Variants in PHLPP1 observed in about 807,000 individuals in gnomAD.
PHLPP1 encodes the protein PH domain and leucine rich repeat protein phosphatase 1, also known as PH domain leucine-rich repeat-containing protein phosphatase 1.
Under a neutral mutation model 117.2 loss-of-function variants are expected in PHLPP1, and 42 were observed. The ratio of observed to expected loss-of-function variants is 0.36; its 90% CI spans 0.28 to 0.46. The LOEUF (loss-of-function observed/expected upper bound fraction) is 0.46. PHLPP1 is among the 20% of genes least tolerant of loss of function. The pLI is 1.00. For synonymous variants in PHLPP1, 1,042 were observed against 970.7 expected (o/e 1.07, Z -1.37); for missense variants, 2,084 against 2,241.9 (o/e 0.93, Z 1.42).
intron 1 of PHLPP1, among the ~76,000 whole-genome samples, chr18:62,822,043 C>T (rs973671096): frequency 7.9e-5 from 12 of 152,248 alleles, no homozygotes; most frequent in Admixed American, 7.8e-4. Flanking sequence ...TTACACAGAG[C>T]CATGATTGTG....
At chr18:62,876,013 G>C (rs1916042114) in intron 4 of PHLPP1, among the ~76,000 whole-genome samples, 2 of 152,154 alleles carry the variant, frequency 1.3e-5, no homozygotes, top group Admixed American at 1.3e-4. Context: ...GATTACAGGT[G>C]TGAGCCACTG....
chr18:62,783,073 C>T (rs2144280669), intron 1 of PHLPP1, among the ~76,000 whole-genome samples: 1 of 146,980 alleles, frequency 6.8e-6, no homozygotes, highest in Admixed American at 6.8e-5. Context: ...CTGTTCTTGC[C>T]AGAAGATAGA....
intron 1 of PHLPP1, among the ~76,000 whole-genome samples, chr18:62,763,470 G>A (rs535223177): frequency 6.6e-6 from 1 of 152,176 alleles, no homozygotes; most frequent in Admixed American, 6.5e-5. Context: ...CTAGTCTCCC[G>A]TGCAGCAAGT....
In PHLPP1 at chr18:62,716,398, C is replaced by T; in HGVS notation, c.715C>T (p.His239Tyr). The change falls in exon 1 of 17, where the codon CAC (histidine) becomes TAC (tyrosine). Residue 239 changes from histidine (H) to tyrosine (Y), a missense_variant. Physicochemically the swap from His to Tyr is moderately conservative, Grantham distance 83. This residue lies in a region of PHLPP1 where 719 missense variants were observed against 636.0 expected (regional missense o/e 1.13). Coordinates refer to ENST00000262719, the MANE Select transcript of PHLPP1 (RefSeq NM_194449.4). This position sits in a 1 kb window ranked among gnomAD's most constrained non-coding sequence, Gnocchi z 5.7. ...EVAARLLQLG[H>Y]KGGGVVKVLG... ...GGCCGCCCGCCTGCTGCAGCTGGGC[C>T]ACAAAGGCGGCGGCGTGGTGAAGGT... 2 of 1,479,828 alleles carry T rather than the reference C, an allele frequency of 1.4e-6. No homozygotes were observed. The highest frequency in any genetic ancestry group is 1.8e-6 in the Non-Finnish European group (2 of 1,119,580). The allele number at this position is 1,479,828 out of a possible 1,614,324, so 91.7% of individuals were successfully genotyped here.
intron 10 of PHLPP1, among the ~76,000 whole-genome samples, chr18:62,929,361 A>G (rs1046191833): frequency 6.6e-6 from 1 of 152,324 alleles, no homozygotes. Context: ...ATTGTAATTT[A>G]TAAATATGTA....
Position 62,841,185 on chromosome 18 carries a change from G to A in PHLPP1, c.1899+2276G>A, listed in dbSNP as rs73458271. Among the ~76,000 whole-genome samples the A allele has an allele frequency of 4.9e-3, 742 of 152,168 alleles. 10 individuals carry two copies. Among genetic ancestry groups the A allele is most frequent in the African/African-American group, 0.017 (711 of 41,516 alleles). On this transcript the variant is annotated intron_variant, in intron 3 of 16. Transcript: ENST00000262719. ...CTATAGGCGTGAGCCACTGCGCCTG[G>A]CCTTTATTTGGATTTCACTAGTTTT... is the stretch of plus-strand genomic sequence containing the variant.
At chr18:62,741,291 A>C (rs1332685997) in intron 1 of PHLPP1, among the ~76,000 whole-genome samples, 1 of 152,202 alleles carries the variant, frequency 6.6e-6, no homozygotes. Context: ...AGTTGTTGGC[A>C]CAAAGGTTTG....
intron 1 of PHLPP1, among the ~76,000 whole-genome samples, chr18:62,778,058 C>A (rs1214865474): frequency 6.6e-6 from 1 of 152,154 alleles, no homozygotes; most frequent in Non-Finnish European, 1.5e-5. Context: ...GAGAGTGAAT[C>A]AGCCAGTTTT....
In PHLPP1 at chr18:62,716,331, G is replaced by C. The variant is rs751227466; in HGVS notation, c.648G>C (p.Leu216=). 1.3e-6 allele frequency: 2 copies of C among 1,530,140 alleles called. No individual in the cohort carries two copies. Among genetic ancestry groups the C allele is most frequent in the South Asian group, 2.4e-5 (2 of 83,206 alleles). The allele number at this position is 1,530,140 out of a possible 1,614,324, so 94.8% of individuals were successfully genotyped here. Residue 216 remains leucine, a synonymous_variant, in exon 1 of 17, where the codon CTG becomes CTC. Coordinates refer to ENST00000262719, the MANE Select transcript of PHLPP1 (RefSeq NM_194449.4). This position sits in a 1 kb window ranked among gnomAD's most constrained non-coding sequence, Gnocchi z 5.7. The part of the protein sequence containing the change: ...VFDRHMASTY[L]RPVLCTLDTT... The stretch of plus-strand genomic sequence containing the variant: ...ACCGCCACATGGCCTCGACCTACCT[G>C]CGCCCGGTGCTCTGCACACTGGACA...
intron 1 of PHLPP1, among the ~76,000 whole-genome samples, chr18:62,773,373 TC>T (rs1479384070): frequency 6.6e-6 from 1 of 152,196 alleles, no homozygotes; most frequent in Admixed American, 6.5e-5. Context: ...ACTTTGTACT[TC>T]ATGATTTTTT....
chr18:62,716,615 G>T lies in PHLPP1; in HGVS notation c.932G>T (p.Gly311Val). The T allele has an allele frequency of 7.6e-7, 1 of 1,314,082 alleles. No individual in the cohort carries two copies. The highest frequency in any genetic ancestry group is 9.7e-7 in the Non-Finnish European group (1 of 1,034,322). 81.4% of individuals were successfully genotyped at this position (1,314,082 alleles called of 1,614,324 possible). ...DLPLPVGGPG[G>V]WSRRASPAPS... is the part of the protein sequence containing the mutation. ...CCCCTGCCCGTCGGCGGCCCGGGCGGGTGGTCGCGCCGCGCCAGCCCAGCG... is the reference window on the plus strand; with the variant it reads ...CCCCTGCCCGTCGGCGGCCCGGGCGTGTGGTCGCGCCGCGCCAGCCCAGCG... The change falls in exon 1 of 17, where the codon GGG becomes GTG. Residue 311 changes from glycine to valine, a missense_variant. This residue lies in a region of PHLPP1 where 719 missense variants were observed against 636.0 expected (regional missense o/e 1.13). Transcript: ENST00000262719. The surrounding 1 kb of genome is among the most constrained non-coding windows in gnomAD (Gnocchi z 5.7).
intron 12 of PHLPP1, among the ~76,000 whole-genome samples, chr18:62,951,131 G>A (rs890023590): frequency 1.3e-5 from 2 of 151,878 alleles, no homozygotes; most frequent in Non-Finnish European, 1.5e-5. Context: ...ACAGGTGCCC[G>A]CCACCACGCC....
At chr18:62,752,447 C>T (rs889320340) in intron 1 of PHLPP1, among the ~76,000 whole-genome samples, 7 of 152,174 alleles carry the variant, frequency 4.6e-5, no homozygotes, top group Non-Finnish European at 7.3e-5. Context: ...TTAGAGTATG[C>T]GACCTTTTAC....
At chr18:62,958,201 C>T (rs1162083918) in intron 12 of PHLPP1, among the ~76,000 whole-genome samples, 1 of 152,210 alleles carries the variant, frequency 6.6e-6, no homozygotes, top group Non-Finnish European at 1.5e-5. Context: ...GGATTATAAG[C>T]GTGAGCCTCT....
At chr18:62,950,128 T>C (rs1426634446) in intron 12 of PHLPP1, among the ~76,000 whole-genome samples, 1 of 152,210 alleles carries the variant, frequency 6.6e-6, no homozygotes, top group Non-Finnish European at 1.5e-5. Flanking sequence ...TGTCAGCAAC[T>C]TCTTTGTCAA....
chr18:62,748,886 G>A (rs1489613841), intron 1 of PHLPP1, among the ~76,000 whole-genome samples: 1 of 151,774 alleles, frequency 6.6e-6, no homozygotes, highest in Non-Finnish European at 1.5e-5. Context: ...TCTTTTCTTG[G>A]TAGTGTGTTC....
intron 3 of PHLPP1, 190 bp downstream of exon 3, chr18:62,839,099 G>A (rs1184494109): frequency 7.0e-6 from 4 of 569,152 alleles, no homozygotes; most frequent in East Asian, 5.8e-5. Flanking sequence ...TTTAAAAATT[G>A]TTTTTTACTT....
intron 3 of PHLPP1, among the ~76,000 whole-genome samples, chr18:62,841,045 G>A (rs1406861587): frequency 6.6e-6 from 1 of 151,936 alleles, no homozygotes; most frequent in African/African-American, 2.4e-5. Flanking sequence ...ATGTGCACAT[G>A]CCTGGCTAAT....
At chr18:62,817,785 GA>G (rs951818421) in intron 1 of PHLPP1, among the ~76,000 whole-genome samples, 1 of 138,358 alleles carries the variant, frequency 7.2e-6, no homozygotes, top group African/African-American at 2.7e-5. Flanking sequence ...GTGATAAAAA[GA>G]AAAAAATCTT....
Sources: allele counts gnomAD v4.1 joint callset (sites outside exome capture counted in the v4.1 genomes callset), GRCh38; gene constraint gnomAD v4.1.1; regional missense constraint gnomAD v4.1.1; non-coding constraint Gnocchi (gnomAD v3.1); transcripts MANE v1.5; gene names NCBI Gene and HGNC (gene_info 2026-07-23, HGNC 2026-07-21).